The following IMPA1 variants were observed in gnomAD, a reference collection of about 807,000 sequenced individuals.
The protein encoded by IMPA1 is inositol monophosphatase 1, also known as D-galactose 1-phosphate phosphatase.
IMPA1 carries 21 observed loss-of-function variants against 34.9 expected under a neutral mutation model. The ratio of observed to expected loss-of-function variants is 0.60; its 90% CI spans 0.43 to 0.87. The LOEUF is 0.87. Among genes scored for constraint, IMPA1 ranks in the 40% least tolerant of loss-of-function variants. The probability of loss-of-function intolerance (pLI) is 0.00; values close to 1 mark genes in which losing one functional copy is unlikely to be tolerated. For missense variants in IMPA1, 299 were observed against 336.4 expected, an observed-to-expected ratio of 0.89 and a Z score of 0.87; for synonymous variants, 95 against 104.4, an observed-to-expected ratio of 0.91 and a Z score of 0.55.
intron 4 of IMPA1, chr8:81,678,474 C>T (rs1217371346): frequency 6.6e-6 from 1 of 152,578 alleles, no homozygotes; most frequent in Non-Finnish European, 1.5e-5. Flanking sequence ...GGAGGATCAC[C>T]TGAGGTCAGG....
At chr8:81,683,193 C>G (rs1393611415) in intron 1 of IMPA1, among the ~76,000 whole-genome samples, 2 of 152,152 alleles carry the variant, frequency 1.3e-5, no homozygotes, top group Non-Finnish European at 2.9e-5. Flanking sequence ...TTAAGGGAAA[C>G]AGGAGAGATA....
In IMPA1 at chr8:81,671,015, C is replaced by A. The variant is rs1313019644; in HGVS notation, c.490G>T (p.Gly164Cys). 3 of 1,523,604 alleles carry A rather than the reference C, an allele frequency of 2.0e-6. No homozygotes were observed. The highest frequency in any genetic ancestry group is 2.6e-5 in the Admixed American group (1 of 38,222). The allele number at this position is 1,523,604 out of a possible 1,614,324, so 94.4% of individuals were successfully genotyped here. A position where few individuals can be genotyped will look rare whatever the true frequency, so the allele number is the denominator to read the frequency against. The change falls in exon 7 of 9, where the codon GGC becomes TGC. Residue 164 changes from glycine (G) to cysteine (C), a missense_variant. By Grantham distance (159) the Gly-to-Cys change is radical. Transcript: ENST00000256108. ...ITKSLLVTEL[G>C]SSRTPETVRM... Reference sequence around the variant, plus strand: ...ACAGTCTCTGGTGTTCTGGAAGAGCCCAACTCAGTCACCAAGAGAGATTTG... The same window carrying A: ...ACAGTCTCTGGTGTTCTGGAAGAGCACAACTCAGTCACCAAGAGAGATTTG...
intron 7 of IMPA1, among the ~76,000 whole-genome samples, chr8:81,669,104 G>A (rs1216137336): frequency 6.6e-6 from 1 of 152,196 alleles, no homozygotes; most frequent in African/African-American, 2.4e-5. Flanking sequence ...GGGAGCCAGG[G>A]AACAGACTTG....
At chr8:81,681,842 AC>A (rs1269342948) in intron 1 of IMPA1, among the ~76,000 whole-genome samples, 1 of 152,228 alleles carries the variant, frequency 6.6e-6, no homozygotes, top group Non-Finnish European at 1.5e-5. Context: ...TTTTTAAAAA[AC>A]CAAAACATTC....
Position 81,669,069 on chromosome 8 carries a change from C to T in IMPA1, c.566+1870G>A, listed in dbSNP as rs561837808. ...TAGAGGCTTTCCAGCCTCCACTTGG[C>T]CTCAAAGATTGTCCTCAGAAGCCTG... On this transcript the variant is annotated intron_variant, in intron 7 of 8. Coordinates refer to ENST00000256108, the MANE Select transcript of IMPA1 (RefSeq NM_005536.4). Among the ~76,000 whole-genome samples, 17 of 152,302 alleles carry T rather than the reference C, an allele frequency of 1.1e-4. No individual in the cohort carries two copies. In the South Asian group the frequency reaches 3.1e-3, roughly 28 times the overall value.
chr8:81,669,234 T>C (rs1806920766), intron 7 of IMPA1, among the ~76,000 whole-genome samples: 1 of 151,842 alleles, frequency 6.6e-6, no homozygotes, highest in South Asian at 2.1e-4. Flanking sequence ...ACTAGGGTAA[T>C]GCCTAACTAG....
chr8:81,664,053 T>C (rs1196746341), intron 7 of IMPA1, among the ~76,000 whole-genome samples: 1 of 151,914 alleles, frequency 6.6e-6, no homozygotes, highest in African/African-American at 2.4e-5. Context: ...AATAAATACA[T>C]AAAAAATAAA....
chr8:81,674,717 G>T, intron 5 of IMPA1: 2 of 403,576 alleles, frequency 5.0e-6, no homozygotes, highest in South Asian at 1.8e-5. Flanking sequence ...TTCTCCCATT[G>T]CTTCCATTTC....
intron 7 of IMPA1, among the ~76,000 whole-genome samples, chr8:81,664,458 C>A (rs1806765165): frequency 6.6e-6 from 1 of 152,146 alleles, no homozygotes; most frequent in Non-Finnish European, 1.5e-5. Flanking sequence ...TGAGAAAGAA[C>A]AAGGAGGAGC....
intron 1 of IMPA1, among the ~76,000 whole-genome samples, chr8:81,684,650 G>A (rs972569330): frequency 1.1e-4 from 15 of 136,190 alleles, no homozygotes; most frequent in Non-Finnish European, 1.9e-4. Flanking sequence ...CTACACATAA[G>A]TATATATACT....
rs1807058142 is a variant in IMPA1, at chr8:81,673,840, C to A, written c.457+1G>T. The A allele has an allele frequency of 2.6e-6, 4 of 1,556,444 alleles. No homozygotes were observed. Among genetic ancestry groups the A allele is most frequent in the Non-Finnish European group, 3.5e-6 (4 of 1,128,134 alleles). ...GCATCAAAAATTGGAATTAATCCTACCTTCTTGTTGTGAAACTTGTAGTTT... is the reference window on the plus strand; with the variant it reads ...GCATCAAAAATTGGAATTAATCCTAACTTCTTGTTGTGAAACTTGTAGTTT... On this transcript the variant is annotated splice_donor_variant, in intron 6 of 8. Coordinates refer to ENST00000256108, the MANE Select transcript of IMPA1 (RefSeq NM_005536.4). LOFTEE classifies it high-confidence loss of function.
At chr8:81,660,849 T>C (rs767129020) in intron 7 of IMPA1, among the ~76,000 whole-genome samples, 182 bp from the exon 8 acceptor site, 2 of 152,152 alleles carry the variant, frequency 1.3e-5, no homozygotes, top group Non-Finnish European at 2.9e-5. Context: ...TCATCGTATA[T>C]TATATAAATC....
At position 81,686,082 on chromosome 8, in the gene IMPA1, G is replaced by A. The variant is rs565661876; in HGVS notation, c.-25+170C>T. On this transcript the variant is annotated intron_variant, in intron 1 of 8. Coordinates refer to ENST00000256108, the MANE Select transcript of IMPA1 (RefSeq NM_005536.4). ...TGCCGGAACTGTTCCCGGTCGCCCA[G>A]GGCAGCTCCGGATAACGCAGCAGGC... 3.4e-5 allele frequency: 32 copies of A among 948,880 alleles called. No individual in the cohort carries two copies. In the African/African-American group the frequency reaches 4.2e-4, roughly 12 times the overall value. The allele number at this position is 948,880 out of a possible 1,614,324, so 58.8% of individuals were successfully genotyped here.
At chr8:81,674,778 T>C (rs1009483281) in intron 5 of IMPA1, 3 of 455,156 alleles carry the variant, frequency 6.6e-6, no homozygotes, top group Non-Finnish European at 1.3e-5. Context: ...GTCCACAAAT[T>C]CATTTTGGCT....
intron 1 of IMPA1, among the ~76,000 whole-genome samples, chr8:81,681,851 T>C (rs1228123831): frequency 6.6e-6 from 1 of 152,156 alleles, no homozygotes. Context: ...AACCAAAACA[T>C]TCGTTTGGAG....
intron 5 of IMPA1, among the ~76,000 whole-genome samples, chr8:81,676,003 G>A (rs1248315012): frequency 6.6e-6 from 1 of 152,130 alleles, no homozygotes; most frequent in Non-Finnish European, 1.5e-5. Context: ...TTGTATTTCA[G>A]TTACTTGTGT....
chr8:81,659,432 A>G lies in IMPA1; in HGVS notation c.753T>C (p.Ile251=). 1.2e-6 allele frequency: 2 copies of G among 1,611,144 alleles called. No individual in the cohort carries two copies. The highest frequency in any genetic ancestry group is 1.7e-6 in the Non-Finnish European group (2 of 1,177,660). The change falls in exon 9 of 9, where the codon ATT becomes ATC. Residue 251 remains isoleucine, a synonymous_variant. Coordinates refer to ENST00000256108, the MANE Select transcript of IMPA1 (RefSeq NM_005536.4). ...GPFDLMSRRV[I]AANNRILAER... ...CTGCTAATATTCTATTATTTGCAGCAATTACTCTTCGTGACATCAAATCAA... is the reference window on the plus strand; with the variant it reads ...CTGCTAATATTCTATTATTTGCAGCGATTACTCTTCGTGACATCAAATCAA...
intron 1 of IMPA1, 179 bp downstream of exon 1, chr8:81,686,073 G>A (rs1807515134): frequency 4.0e-6 from 4 of 1,012,476 alleles, no homozygotes; most frequent in East Asian, 3.3e-5. Context: ...AACTGTTCCC[G>A]GTCGCCCAGG....
chr8:81,668,402 C>A (rs943216998), intron 7 of IMPA1, among the ~76,000 whole-genome samples: 1 of 151,926 alleles, frequency 6.6e-6, no homozygotes, highest in African/African-American at 2.4e-5. Flanking sequence ...CTGGGCTGCA[C>A]GGCGAACCCC....
Sources: allele counts gnomAD v4.1 joint callset (sites outside exome capture counted in the v4.1 genomes callset), GRCh38; gene constraint gnomAD v4.1.1; transcripts MANE v1.5; gene names NCBI Gene and HGNC (gene_info 2026-07-23, HGNC 2026-07-21).